The following SLC30A9 variants were observed in gnomAD, a reference collection of about 807,000 sequenced individuals.
SLC30A9 encodes the protein solute carrier family 30 member 9.
In SLC30A9, 58 loss-of-function variants were observed where a neutral mutation model predicts 87.5. That is an observed-to-expected ratio of 0.66 (90% CI 0.54 to 0.82). The LOEUF (loss-of-function observed/expected upper bound fraction) is 0.82. Among genes scored for constraint, SLC30A9 ranks in the 40% least tolerant of loss-of-function variants. SLC30A9 has a pLI of 0.00. For missense variants in SLC30A9, 557 were observed against 679.1 expected, an observed-to-expected ratio of 0.82 and a Z score of 2.00; for synonymous variants, 234 against 233.0, an observed-to-expected ratio of 1.00 and a Z score of -0.04.
At chr4:42,016,116 A>G (rs1715710047) in intron 2 of SLC30A9, among the ~76,000 whole-genome samples, 1 of 152,160 alleles carries the variant, frequency 6.6e-6, no homozygotes, top group Admixed American at 6.5e-5. Flanking sequence ...TAAGATGAAG[A>G]TAATAGTATT....
At chr4:42,041,247 A>G (rs1470458646) in intron 8 of SLC30A9, among the ~76,000 whole-genome samples, 5 of 152,252 alleles carry the variant, frequency 3.3e-5, no homozygotes, top group African/African-American at 1.2e-4. Context: ...CACAGAGCCA[A>G]ACCATATCAA....
intron 9 of SLC30A9, among the ~76,000 whole-genome samples, chr4:42,057,898 T>C (rs1400909992): frequency 6.6e-6 from 1 of 151,476 alleles, no homozygotes; most frequent in Non-Finnish European, 1.5e-5. Context: ...GGTGAAGAAA[T>C]CGAGACCATC....
In SLC30A9 at chr4:42,040,814, AAAG is replaced by A. The variant is rs1334233539; in HGVS notation, c.737+1764_737+1766del. ...CTGTCTCAAAAAAAAAAAAAAAGAA[AAAG>A]AAAAAGGTGGAGGAAAAAGTGCCTG... On this transcript the variant is annotated intron_variant, in intron 8 of 17. Transcript: ENST00000264451. Among the ~76,000 whole-genome samples the A allele has an allele frequency of 3.4e-3, 510 of 149,808 alleles. 1 individual carries two copies. The highest frequency in any genetic ancestry group is 0.012 in the African/African-American group (487 of 40,634).
intron 2 of SLC30A9, among the ~76,000 whole-genome samples, chr4:42,011,754 A>G (rs990989669): frequency 5.9e-5 from 9 of 152,242 alleles, no homozygotes; most frequent in Admixed American, 5.9e-4. Flanking sequence ...GGTTAAATGA[A>G]GGACTCATAT....
chr4:42,070,719 A>G, intron 15 of SLC30A9, 28 bp downstream of exon 15: 1 of 1,570,972 alleles, frequency 6.4e-7, no homozygotes, highest in Non-Finnish European at 8.6e-7. Context: ...AATCCTGTTA[A>G]GGCTTACAAA....
chr4:42,065,314 A>G lies in SLC30A9; in HGVS notation c.1037A>G (p.Tyr346Cys). 1 of 1,341,482 alleles carries G rather than the reference A, an allele frequency of 7.5e-7. No homozygotes were observed. The highest frequency in any genetic ancestry group is 1.2e-5 in the South Asian group (1 of 85,336). 83.1% of individuals were successfully genotyped at this position (1,341,482 alleles called of 1,614,324 possible). ...ATTTTAATATTTCTTTTCTAGGCAT[A>G]TTGTATTTTAGCAGGATCATTAGTA... is the stretch of plus-strand genomic sequence containing the variant. ...PQPIESLLWA[Y>C]CILAGSLVSE... Residue 346 changes from tyrosine to cysteine, a missense_variant, in exon 12 of 18, where the codon TAT (tyrosine) becomes TGT (cysteine). Tyr to Cys is a radical substitution (Grantham distance 194). Coordinates refer to ENST00000264451, the MANE Select transcript of SLC30A9 (RefSeq NM_006345.4).
chr4:42,018,451 G>A, intron 3 of SLC30A9: 1 of 1,254,118 alleles, frequency 8.0e-7, no homozygotes, highest in Non-Finnish European at 1.0e-6. Flanking sequence ...AGAAGAGTAA[G>A]GCAATTAAAG....
chr4:41,995,748 C>T (rs1653735546), intron 1 of SLC30A9, among the ~76,000 whole-genome samples: 1 of 152,212 alleles, frequency 6.6e-6, no homozygotes, highest in Non-Finnish European at 1.5e-5. Flanking sequence ...CTTGCTCTGT[C>T]ACCCAGGCTA....
intron 15 of SLC30A9, among the ~76,000 whole-genome samples, chr4:42,073,798 T>G (rs2153140826): frequency 6.6e-6 from 1 of 152,326 alleles, no homozygotes; most frequent in East Asian, 1.9e-4. Flanking sequence ...AGTCACCTGG[T>G]CTTGGAAATG....
At position 42,049,388 on chromosome 4, in the gene SLC30A9, A is replaced by G; in HGVS notation, c.749A>G (p.Asn250Ser). Residue 250 changes from asparagine to serine, a missense_variant, in exon 9 of 18, where the codon AAC becomes AGC. Coordinates refer to ENST00000264451, the MANE Select transcript of SLC30A9 (RefSeq NM_006345.4). ...TCTTTCTCTTCTAGCAATGGATTAA[A>G]CTGCTTCTTTAAATTTCTTGCCTGG... ...VMVAICINGL[N>S]CFFKFLAWIY... 8 of 1,609,308 alleles carry G rather than the reference A, an allele frequency of 5.0e-6. No homozygotes were observed. The highest frequency in any genetic ancestry group is 6.8e-6 in the Non-Finnish European group (8 of 1,176,790).
intron 6 of SLC30A9, among the ~76,000 whole-genome samples, chr4:42,034,354 T>C (rs1019833059): frequency 1.1e-4 from 17 of 152,216 alleles, no homozygotes; most frequent in African/African-American, 4.1e-4. Flanking sequence ...CACATTGTTG[T>C]GAAACAGATC....
intron 2 of SLC30A9, 78 bp downstream of exon 2, chr4:42,001,858 T>C: frequency 1.0e-6 from 1 of 1,002,564 alleles, no homozygotes; most frequent in Non-Finnish European, 1.5e-6. Context: ...CCTGGATGTT[T>C]GATAGAACTT....
At chr4:42,072,736 G>T (rs1199525221) in intron 15 of SLC30A9, among the ~76,000 whole-genome samples, 1 of 151,036 alleles carries the variant, frequency 6.6e-6, no homozygotes, top group African/African-American at 2.4e-5. Flanking sequence ...AGAGTGTTCT[G>T]TAGATGTTTG....
At chr4:42,062,421 A>G (rs1717894531) in intron 10 of SLC30A9, among the ~76,000 whole-genome samples, 1 of 152,192 alleles carries the variant, frequency 6.6e-6, no homozygotes, top group South Asian at 2.1e-4. Flanking sequence ...CTTGAAAAAT[A>G]ATTGAGATTT....
chr4:42,084,261 G>A (rs193242272), intron 17 of SLC30A9, among the ~76,000 whole-genome samples: 4,242 of 152,060 alleles, frequency 0.028, 76 homozygotes, highest in Middle Eastern at 0.061. Flanking sequence ...AATACTTTTA[G>A]TATGTCTTTA....
Position 42,075,745 on chromosome 4 carries a change from A to ATG in SLC30A9, c.1507_1508insTG (p.Arg503MetfsTer20). On this transcript the variant is annotated frameshift_variant, in exon 16 of 18. Coordinates refer to ENST00000264451, the MANE Select transcript of SLC30A9 (RefSeq NM_006345.4). LOFTEE classifies it high-confidence loss of function. ...AGATTTTGATGGGCGAGTTGTTACA[A>ATG]GATCATATTTGGAAAAACAAGATTT... The ATG allele has an allele frequency of 6.2e-7, 1 of 1,612,542 alleles. No homozygotes were observed. The highest frequency in any genetic ancestry group is 8.5e-7 in the Non-Finnish European group (1 of 1,178,720).
chr4:42,064,115 C>T (rs957966563), intron 11 of SLC30A9, among the ~76,000 whole-genome samples: 1 of 152,088 alleles, frequency 6.6e-6, no homozygotes. Context: ...TCCAATATCC[C>T]GGGGGACACA....
chr4:42,038,561 G>A (rs934571090), intron 7 of SLC30A9, among the ~76,000 whole-genome samples: 2 of 152,064 alleles, frequency 1.3e-5, no homozygotes, highest in Admixed American at 1.3e-4. Flanking sequence ...CTTACAAATC[G>A]AAGTAAAAGT....
At chr4:42,023,439 A>C (rs1716058906) in intron 6 of SLC30A9, 55 bp downstream of exon 6, 1 of 1,150,390 alleles carries the variant, frequency 8.7e-7, no homozygotes, top group Admixed American at 1.7e-5. Context: ...GTAGATGAGA[A>C]CTGTATCTGT....
Sources: allele counts gnomAD v4.1 joint callset (sites outside exome capture counted in the v4.1 genomes callset), GRCh38; gene constraint gnomAD v4.1.1; transcripts MANE v1.5; gene names NCBI Gene and HGNC (gene_info 2026-07-23, HGNC 2026-07-21).